Variants in ZC3H8 observed in about 807,000 individuals in gnomAD.
ZC3H8 encodes the protein zinc finger CCCH domain-containing protein 8.
ZC3H8 carries 27 observed loss-of-function variants against 42.5 expected under a neutral mutation model. That is an observed-to-expected ratio of 0.64 (90% confidence interval 0.47 to 0.88). The LOEUF (loss-of-function observed/expected upper bound fraction) is 0.88, where lower values mean the gene tolerates loss of function less well. ZC3H8 is among the 40% of genes least tolerant of loss of function. The probability of loss-of-function intolerance (pLI) is 0.00; values close to 1 mark genes in which losing one functional copy is unlikely to be tolerated. For synonymous variants in ZC3H8, 101 were observed against 110.1 expected (o/e 0.92, Z 0.52); for missense variants, 277 against 336.1 (o/e 0.82, Z 1.37).
rs144903473 is a variant in ZC3H8, at chr2:112,231,279, C to T, written c.844-329G>A. On this transcript the variant is annotated intron_variant, in intron 7 of 8. Transcript: ENST00000409573. ...TCAAGGGAACATTTTGCCAGAAGATCGTATGGTTGGCTTCAAAAGAATCTT... is the reference window on the plus strand; with the variant it reads ...TCAAGGGAACATTTTGCCAGAAGATTGTATGGTTGGCTTCAAAAGAATCTT... 4.4e-3 allele frequency among the ~76,000 whole-genome samples: 662 copies of T among 152,168 alleles called. 10 individuals carry two copies. Among genetic ancestry groups the T allele is most frequent in the African/African-American group, 0.015 (631 of 41,526 alleles).
chr2:112,228,194 G>A (rs1467772200), intron 8 of ZC3H8, among the ~76,000 whole-genome samples: 1 of 152,100 alleles, frequency 6.6e-6, no homozygotes, highest in East Asian at 1.9e-4. Flanking sequence ...GGGGGAAGGG[G>A]CAGTCTTTTT....
chr2:112,230,875 A>G, intron 8 of ZC3H8, 28 bp downstream of exon 8: 1 of 1,288,254 alleles, frequency 7.8e-7, no homozygotes, highest in Non-Finnish European at 1.0e-6. Context: ...GACAAGAAAA[A>G]AAGAAATGTG....
intron 5 of ZC3H8, among the ~76,000 whole-genome samples, chr2:112,233,766 G>A (rs1391410882): frequency 6.6e-6 from 1 of 152,116 alleles, no homozygotes; most frequent in African/African-American, 2.4e-5. Flanking sequence ...CTACTTGGGA[G>A]GCTGAGGCAG....
At chr2:112,237,111 C>G (rs1685368130) in intron 3 of ZC3H8, among the ~76,000 whole-genome samples, 1 of 152,146 alleles carries the variant, frequency 6.6e-6, no homozygotes, top group Non-Finnish European at 1.5e-5. Flanking sequence ...GGAAAGTTCT[C>G]TAAGGCTCAA....
chr2:112,244,663 C>T (rs1477046587), intron 2 of ZC3H8, among the ~76,000 whole-genome samples: 2 of 152,142 alleles, frequency 1.3e-5, no homozygotes, highest in African/African-American at 4.8e-5. Context: ...GTCTCTGTGT[C>T]ACATTTTGGT....
In ZC3H8 at chr2:112,214,425, C is replaced by T. The variant is rs762004237; in HGVS notation, c.*2059G>A. 6.6e-6 allele frequency: 1 copy of T among 152,132 alleles called. No individual in the cohort carries two copies. Among genetic ancestry groups the T allele is most frequent in the Non-Finnish European group, 1.5e-5 (1 of 68,016 alleles). The allele number at this position is 152,132 out of a possible 1,614,324, so 9.4% of individuals were successfully genotyped here. A position where few individuals can be genotyped will look rare whatever the true frequency, so the allele number is the denominator to read the frequency against. On this transcript the variant is annotated 3_prime_UTR_variant, in exon 9 of 9. Transcript: ENST00000409573. ...TAAATCTGTGCAGATTTTTCCCATA[C>T]AACTTTCTGGCTTTATTTCTCCTGG...
intron 2 of ZC3H8, 193 bp from the exon 3 acceptor site, chr2:112,238,721 G>T (rs1440365248): frequency 1.2e-5 from 5 of 431,902 alleles, no homozygotes; most frequent in Non-Finnish European, 2.0e-5. Flanking sequence ...AAAATTTCCA[G>T]AATTAAAAAC....
Position 112,238,295 on chromosome 2 carries a change from T to C in ZC3H8, c.370+20A>G, listed in dbSNP as rs776517620. 2 of 1,606,972 alleles carry C rather than the reference T, an allele frequency of 1.2e-6. No homozygotes were observed. Among genetic ancestry groups the C allele is most frequent in the East Asian group, 2.2e-5 (1 of 44,826 alleles). Reference sequence around the variant, plus strand: ...GCTTCTCTAGATAAACTTTAAATGATAAAATAGTTTGACTCTTACCCTGTG... The same window carrying C: ...GCTTCTCTAGATAAACTTTAAATGACAAAATAGTTTGACTCTTACCCTGTG... On this transcript the variant is annotated intron_variant, in intron 3 of 8. Coordinates refer to ENST00000409573, the MANE Select transcript of ZC3H8 (RefSeq NM_032494.3).
At chr2:112,230,033 T>C (rs1308302978) in intron 8 of ZC3H8, among the ~76,000 whole-genome samples, 4 of 150,058 alleles carry the variant, frequency 2.7e-5, no homozygotes, top group South Asian at 2.1e-4. Flanking sequence ...AAGGAATATA[T>C]AGAAATCAAT....
At chr2:112,220,186 C>T (rs1684522591) in intron 8 of ZC3H8, among the ~76,000 whole-genome samples, 1 of 152,178 alleles carries the variant, frequency 6.6e-6, no homozygotes, top group African/African-American at 2.4e-5. Flanking sequence ...TTGATCCTGT[C>T]ATAACATTGT....
intron 4 of ZC3H8, among the ~76,000 whole-genome samples, chr2:112,235,526 CAGACTGT>C (rs1363119578): frequency 6.6e-6 from 1 of 152,070 alleles, no homozygotes; most frequent in African/African-American, 2.4e-5. Context: ...AGGCAGGGGA[CAGACTGT>C]ATATAAATGT....
intron 8 of ZC3H8, among the ~76,000 whole-genome samples, chr2:112,217,570 T>C (rs577882570): frequency 6.6e-6 from 1 of 152,352 alleles, no homozygotes; most frequent in African/African-American, 2.4e-5. Flanking sequence ...TTAGAAAATA[T>C]CAGTTTACTA....
chr2:112,246,233 G>A (rs1386940511), intron 2 of ZC3H8, among the ~76,000 whole-genome samples: 2 of 152,178 alleles, frequency 1.3e-5, no homozygotes, highest in Non-Finnish European at 2.9e-5. Flanking sequence ...GAGCTCTGAT[G>A]GAGATGAATG....
intron 8 of ZC3H8, among the ~76,000 whole-genome samples, chr2:112,220,818 T>C (rs1684550572): frequency 6.6e-6 from 1 of 152,174 alleles, no homozygotes; most frequent in South Asian, 2.1e-4. Context: ...CGAAACTCCA[T>C]CTCAAAAACA....
chr2:112,211,561 A>C lies in ZC3H8; in HGVS notation c.*4923T>G, dbSNP rs1684138185. On this transcript the variant is annotated 3_prime_UTR_variant, in exon 9 of 9. Transcript: ENST00000409573. Reference sequence around the variant, plus strand: ...GTAAACTTTTATTTAACTATGTACAACTTCAGTTAAAAATTATATTTAATA... The same window carrying C: ...GTAAACTTTTATTTAACTATGTACACCTTCAGTTAAAAATTATATTTAATA... 6.6e-6 allele frequency: 1 copy of C among 152,218 alleles called. No homozygotes were observed. Among genetic ancestry groups the C allele is most frequent in the Admixed American group, 6.5e-5 (1 of 15,288 alleles). 9.4% of individuals were successfully genotyped at this position (152,218 alleles called of 1,614,324 possible).
At position 112,213,775 on chromosome 2, in the gene ZC3H8, C is replaced by CAGAA. The variant is rs1684224164; in HGVS notation, c.*2708_*2709insTTCT. Reference sequence around the variant, plus strand: ...TGGGCGACAGAGCGAGACTCCGTCTCAAAAAAAAAAAAAAAAAAAAAAAAA... The same window carrying CAGAA: ...TGGGCGACAGAGCGAGACTCCGTCTCAGAAAAAAAAAAAAAAAAAAAAAAAAAAA... On this transcript the variant is annotated 3_prime_UTR_variant, in exon 9 of 9. Coordinates refer to ENST00000409573, the MANE Select transcript of ZC3H8 (RefSeq NM_032494.3). 1 of 24,066 alleles carries CAGAA rather than the reference C, an allele frequency of 4.2e-5. No homozygotes were observed. The highest frequency in any genetic ancestry group is 2.0e-4 in the African/African-American group (1 of 5,024). 1.5% of individuals were successfully genotyped at this position (24,066 alleles called of 1,614,324 possible).
chr2:112,251,601 A>T (rs1685951934), intron 1 of ZC3H8, among the ~76,000 whole-genome samples: 1 of 152,174 alleles, frequency 6.6e-6, no homozygotes. Context: ...TGCTCCATAC[A>T]CGTAACACTT....
intron 1 of ZC3H8, 62 bp from the exon 2 acceptor site, chr2:112,250,334 G>T: frequency 1.7e-6 from 2 of 1,204,056 alleles, no homozygotes; most frequent in South Asian, 1.7e-5. Flanking sequence ...TCATACCACA[G>T]CGTTACAATT....
At chr2:112,227,725 T>C (rs1468884247) in intron 8 of ZC3H8, among the ~76,000 whole-genome samples, 2 of 152,140 alleles carry the variant, frequency 1.3e-5, no homozygotes, top group Admixed American at 6.5e-5. Context: ...TTCCATTCAA[T>C]AGCATCAAAC....
Sources: gnomAD v4.1 joint callset for allele counts (sites outside exome capture counted in the v4.1 genomes callset) on GRCh38, gnomAD v4.1.1 for gene constraint, MANE v1.5 for transcripts, NCBI Gene and HGNC (gene_info 2026-07-23, HGNC 2026-07-21) for gene names.